ROBO1: variants seen among roughly 807,000 people sequenced by gnomAD.
ROBO1 encodes the protein roundabout homolog 1.
ROBO1 carries 149 observed loss-of-function variants against 195.9 expected under a neutral mutation model. That is an observed-to-expected ratio of 0.76 (90% CI 0.67 to 0.87). The LOEUF is 0.87. ROBO1 is among the 40% of genes least tolerant of loss of function. The probability of loss-of-function intolerance (pLI) is 0.00; values close to 1 mark genes in which losing one functional copy is unlikely to be tolerated. For missense variants in ROBO1, 1,933 were observed against 2,068.3 expected (o/e 0.93, Z 1.27); for synonymous variants, 816 against 733.2 (o/e 1.11, Z -1.82).
Position 79,266,593 on chromosome 3 carries a change from A to T in ROBO1, c.89-141054T>A, listed in dbSNP as rs188268690. The stretch of plus-strand genomic sequence containing the variant: ...ATGGACTTCACATTTTAACTAGAGG[A>T]TCATTTTTCTAAGGATAGTGGGTCC... On this transcript the variant is annotated intron_variant, in intron 2 of 30. Transcript: ENST00000464233. 5.6e-3 allele frequency among the ~76,000 whole-genome samples: 845 copies of T among 151,656 alleles called. 2 individuals carry two copies. The highest frequency in any genetic ancestry group is 1.0e-2 in the Non-Finnish European group (675 of 67,620).
intron 2 of ROBO1, among the ~76,000 whole-genome samples, chr3:79,484,294 A>G (rs1175900440): frequency 6.6e-6 from 1 of 152,164 alleles, no homozygotes; most frequent in Non-Finnish European, 1.5e-5. Context: ...GTTTTCAAGA[A>G]AACTTTCAGA....
intron 2 of ROBO1, among the ~76,000 whole-genome samples, chr3:79,221,961 G>A (rs2082146890): frequency 6.6e-6 from 1 of 151,892 alleles, no homozygotes; most frequent in African/African-American, 2.4e-5. Flanking sequence ...GTTCTATTAT[G>A]GTAAAAATAT....
intron 4 of ROBO1, among the ~76,000 whole-genome samples, chr3:78,879,735 T>C (rs955174194): frequency 1.3e-5 from 2 of 152,104 alleles, no homozygotes; most frequent in Non-Finnish European, 2.9e-5. Context: ...AGAATTTAGC[T>C]GTCTGCACTC....
At chr3:78,935,771 A>T (rs1228426146) in intron 4 of ROBO1, among the ~76,000 whole-genome samples, 1 of 152,108 alleles carries the variant, frequency 6.6e-6, no homozygotes, top group Non-Finnish European at 1.5e-5. Context: ...GCAAAGAAAA[A>T]TAATCAATAA....
chr3:79,575,203 T>TAAC (rs1238379606), intron 2 of ROBO1, among the ~76,000 whole-genome samples: 32 of 120,070 alleles, frequency 2.7e-4, no homozygotes, highest in African/African-American at 1.1e-3. Context: ...TAAATATATA[T>TAAC]ATAACAGATA....
At chr3:78,666,496 G>A (rs1369273529) in intron 14 of ROBO1, among the ~76,000 whole-genome samples, 1 of 152,108 alleles carries the variant, frequency 6.6e-6, no homozygotes, top group Non-Finnish European at 1.5e-5. Flanking sequence ...CCACTGTACT[G>A]GGGACAAAAG....
At chr3:78,987,572 A>T (rs1490645170) in intron 3 of ROBO1, among the ~76,000 whole-genome samples, 1 of 152,116 alleles carries the variant, frequency 6.6e-6, no homozygotes, top group African/African-American at 2.4e-5. Context: ...CATTTTAATT[A>T]TCTCTGGTCT....
intron 2 of ROBO1, among the ~76,000 whole-genome samples, chr3:79,375,221 G>T (rs575212359): frequency 4.6e-5 from 7 of 152,266 alleles, no homozygotes; most frequent in Non-Finnish European, 1.5e-5. Context: ...TGTGGATTGT[G>T]AAGACATACA....
intron 3 of ROBO1, among the ~76,000 whole-genome samples, chr3:78,950,050 T>G (rs1217123099): frequency 1.3e-5 from 2 of 152,170 alleles, no homozygotes; most frequent in Admixed American, 1.3e-4. Context: ...GGAACACTTT[T>G]CCACTGTTGG....
chr3:79,434,156 G>A (rs2038792880), intron 2 of ROBO1, among the ~76,000 whole-genome samples: 1 of 152,142 alleles, frequency 6.6e-6, no homozygotes, highest in South Asian at 2.1e-4. Flanking sequence ...ATAGGCATGG[G>A]CAAGGACTTC....
chr3:78,613,891 A>G (rs1703956393), intron 28 of ROBO1, among the ~76,000 whole-genome samples: 1 of 152,214 alleles, frequency 6.6e-6, no homozygotes, highest in Admixed American at 6.5e-5. Flanking sequence ...TATGCCTGTA[A>G]CATCCTTCCT....
intron 21 of ROBO1, among the ~76,000 whole-genome samples, chr3:78,642,923 C>T (rs989841698): frequency 6.6e-5 from 10 of 152,152 alleles, no homozygotes; most frequent in Non-Finnish European, 1.0e-4. Context: ...AAGGACTGAA[C>T]TCAGGCCTTC....
intron 2 of ROBO1, among the ~76,000 whole-genome samples, chr3:79,237,202 G>A (rs2082423217): frequency 6.6e-6 from 1 of 152,128 alleles, no homozygotes; most frequent in South Asian, 2.1e-4. Context: ...TTCAAAAATG[G>A]CCGGGCGCGG....
At chr3:78,961,000 G>C (rs2041317160) in intron 3 of ROBO1, among the ~76,000 whole-genome samples, 1 of 151,954 alleles carries the variant, frequency 6.6e-6, no homozygotes, top group Admixed American at 6.6e-5. Flanking sequence ...TAGCCAATTG[G>C]AATCTTATTT....
At chr3:79,419,800 AT>A (rs997510267) in intron 2 of ROBO1, among the ~76,000 whole-genome samples, 3 of 152,118 alleles carry the variant, frequency 2.0e-5, no homozygotes, top group Non-Finnish European at 2.9e-5. Flanking sequence ...ACTGATTTGG[AT>A]TTTTATTAAA....
chr3:78,722,349 A>C (rs2082063366), intron 5 of ROBO1, among the ~76,000 whole-genome samples: 1 of 152,152 alleles, frequency 6.6e-6, no homozygotes, highest in Non-Finnish European at 1.5e-5. Flanking sequence ...TTACTCTGTC[A>C]AATTTTTCTA....
Position 79,380,664 on chromosome 3 carries a change from C to T in ROBO1, c.88+209160G>A, listed in dbSNP as rs906254047. 8.6e-5 allele frequency among the ~76,000 whole-genome samples: 13 copies of T among 152,020 alleles called. No individual in the cohort carries two copies. In the East Asian group the frequency reaches 1.6e-3, roughly 18 times the overall value. On this transcript the variant is annotated intron_variant, in intron 2 of 30. Coordinates refer to ENST00000464233, the MANE Select transcript of ROBO1 (RefSeq NM_002941.4). ...TGGTAGATTGATTCCACTGATCGTCCGAATTAATGACTTCCCTATGTTGTG... is the reference window on the plus strand; with the variant it reads ...TGGTAGATTGATTCCACTGATCGTCTGAATTAATGACTTCCCTATGTTGTG...
At chr3:79,452,955 A>G (rs539101836) in intron 2 of ROBO1, among the ~76,000 whole-genome samples, 3 of 152,066 alleles carry the variant, frequency 2.0e-5, no homozygotes, top group South Asian at 2.1e-4. Flanking sequence ...TATAAAAACC[A>G]GAGGAACAAG....
At chr3:79,356,158 T>C (rs747212872) in intron 2 of ROBO1, among the ~76,000 whole-genome samples, 4 of 152,076 alleles carry the variant, frequency 2.6e-5, no homozygotes, top group Non-Finnish European at 2.9e-5. Flanking sequence ...CTGGCCAACA[T>C]GGCAAAACTC....
Sources: gnomAD v4.1 joint callset for allele counts (sites outside exome capture counted in the v4.1 genomes callset) on GRCh38, gnomAD v4.1.1 for gene constraint, MANE v1.5 for transcripts, NCBI Gene and HGNC (gene_info 2026-07-23, HGNC 2026-07-21) for gene names.